The following SYT17 variants were observed in gnomAD, a reference collection of about 807,000 sequenced individuals.
SYT17 encodes synaptotagmin-17.
Under a neutral mutation model 46.7 loss-of-function variants are expected in SYT17, and 22 were observed. The ratio of observed to expected loss-of-function variants is 0.47; its 90% CI spans 0.34 to 0.67. The LOEUF is 0.67. Ranked by LOEUF, SYT17 falls within the 30% of genes least tolerant of loss-of-function variation. The pLI, the probability that SYT17 is intolerant of heterozygous loss-of-function variation, is 0.01. For synonymous variants in SYT17, 251 were observed against 248.4 expected (o/e 1.01, Z -0.10); for missense variants, 519 against 612.8 (o/e 0.85, Z 1.62).
intron 5 of SYT17, among the ~76,000 whole-genome samples, chr16:19,189,356 T>TC (rs1465799842): frequency 2.0e-5 from 3 of 150,666 alleles, no homozygotes; most frequent in African/African-American, 4.9e-5. Context: ...TTTTTTTTTT[T>TC]CTGAGACAGG....
chr16:19,186,016 G>A (rs891695558), intron 5 of SYT17, among the ~76,000 whole-genome samples: 1 of 152,118 alleles, frequency 6.6e-6, no homozygotes, highest in Admixed American at 6.6e-5. Context: ...AGTTAATCTC[G>A]GGGCTGCCAT....
rs1022071609 is a variant in SYT17, at chr16:19,168,792, G to T, written c.15+131G>T. 1 of 1,211,810 alleles carries T rather than the reference G, an allele frequency of 8.3e-7. No homozygotes were observed. The allele number at this position is 1,211,810 out of a possible 1,614,324, so 75.1% of individuals were successfully genotyped here. A position where few individuals can be genotyped will look rare whatever the true frequency, so the allele number is the denominator to read the frequency against. On this transcript the variant is annotated intron_variant, in intron 1 of 7. Coordinates refer to ENST00000355377, the MANE Select transcript of SYT17 (RefSeq NM_016524.4). This position sits in a 1 kb window ranked among gnomAD's most constrained non-coding sequence, Gnocchi z 6.9. ...ACTTGCTTCGAGAAAAAGGGTGCCC[G>T]TGCGCGGGCAACCTGTGCAGCAACA...
intron 7 of SYT17, among the ~76,000 whole-genome samples, chr16:19,248,370 G>A (rs988288641): frequency 2.6e-5 from 4 of 152,084 alleles, no homozygotes; most frequent in Non-Finnish European, 4.4e-5. Context: ...ATACTCCTAG[G>A]TATTTACCCA....
At chr16:19,189,518 T>G (rs1363561932) in intron 5 of SYT17, among the ~76,000 whole-genome samples, 1 of 152,128 alleles carries the variant, frequency 6.6e-6, no homozygotes, top group African/African-American at 2.4e-5. Context: ...GCTCAGATAA[T>G]TTTTTATTTT....
rs1258282018 is a variant in SYT17 at position 19,266,924 on chromosome 16, A to G, written c.1273A>G (p.Ile425Val). ...GAGCAGCAATGACTTCATCGGGAGG[A>G]TCGTCATTGGCCAGTACTCTTCAGG... Reference protein sequence around the residue: ...MKSSNDFIGRIVIGQYSSGPS... With the variant: ...MKSSNDFIGRVVIGQYSSGPS... Residue 425 changes from isoleucine (I) to valine (V), a missense_variant, in exon 8 of 8, where the codon ATC becomes GTC. Coordinates refer to ENST00000355377, the MANE Select transcript of SYT17 (RefSeq NM_016524.4). 1.9e-6 allele frequency: 3 copies of G among 1,613,538 alleles called. No individual in the cohort carries two copies. Among genetic ancestry groups the G allele is most frequent in the Non-Finnish European group, 2.5e-6 (3 of 1,179,934 alleles).
In SYT17 at chr16:19,180,442, C is replaced by T. The variant is rs748506419; in HGVS notation, c.234C>T (p.Ser78=). Residue 78 remains serine (S), a synonymous_variant, in exon 4 of 8, where the codon AGC becomes AGT. Transcript: ENST00000355377. ...DKDGDSVHTA[S]EVPLTPRTNS... ...ATGGTGACTCTGTCCACACGGCCAG[C>T]GAAGTCCCGCTGACCCCACGGACCA... 4.3e-6 allele frequency: 7 copies of T among 1,614,196 alleles called. No individual in the cohort carries two copies. The African/African-American group carries it at 5.3e-5, about 12-fold the overall frequency.
intron 7 of SYT17, among the ~76,000 whole-genome samples, chr16:19,232,126 G>A (rs1966719546): frequency 6.6e-6 from 1 of 152,188 alleles, no homozygotes; most frequent in Admixed American, 6.5e-5. Flanking sequence ...AACTGCCAGG[G>A]GTTGGCATGA....
chr16:19,208,884 CTTTTTTTTTTTTTTTTT>C (rs1191498524), intron 5 of SYT17, among the ~76,000 whole-genome samples: 3 of 63,284 alleles, frequency 4.7e-5, no homozygotes, highest in African/African-American at 7.1e-5. Flanking sequence ...CAAGGACCTT[CTTTTTTTTTTTTTTTTT>C]TTTTTTTTTG....
chr16:19,226,531 A>G (rs1324689461), intron 7 of SYT17, among the ~76,000 whole-genome samples: 2 of 152,186 alleles, frequency 1.3e-5, no homozygotes, highest in Non-Finnish European at 2.9e-5. Flanking sequence ...CCTGTCACCC[A>G]TAGAGTCTGC....
chr16:19,240,181 C>T (rs567699945), intron 7 of SYT17, among the ~76,000 whole-genome samples: 3 of 152,312 alleles, frequency 2.0e-5, no homozygotes, highest in South Asian at 4.1e-4. Flanking sequence ...AAACAAGGGG[C>T]GTGTTTCAGC....
At chr16:19,208,636 A>G (rs983967486) in intron 5 of SYT17, among the ~76,000 whole-genome samples, 17 of 152,210 alleles carry the variant, frequency 1.1e-4, no homozygotes, top group Admixed American at 9.8e-4. Flanking sequence ...GGGGACAAAG[A>G]GCCAAATCAT....
intron 7 of SYT17, among the ~76,000 whole-genome samples, chr16:19,251,976 G>A (rs113589020): frequency 0.098 from 14,954 of 151,880 alleles, 1,600 homozygotes; most frequent in East Asian, 0.35. Context: ...TTGGGAGGCC[G>A]AGGCAGGCAG....
chr16:19,203,552 C>T (rs1430445918), intron 5 of SYT17, among the ~76,000 whole-genome samples: 2 of 152,218 alleles, frequency 1.3e-5, no homozygotes, highest in African/African-American at 4.8e-5. Context: ...ATTTAGTCAG[C>T]ATGTTAGGGG....
intron 7 of SYT17, among the ~76,000 whole-genome samples, chr16:19,257,895 C>G (rs1968691214): frequency 6.6e-6 from 1 of 152,062 alleles, no homozygotes. Flanking sequence ...CCTTCATTAC[C>G]TTGTGAACCA....
Position 19,183,602 on chromosome 16 carries a change from A to C in SYT17, c.406A>C (p.Lys136Gln). The C allele has an allele frequency of 6.2e-7, 1 of 1,614,196 alleles. No individual in the cohort carries two copies. The highest frequency in any genetic ancestry group is 2.2e-5 in the East Asian group (1 of 44,888). Reference sequence around the variant, plus strand: ...CGAGTTTGGCGTTCTCAGCGCCAAGAAGGAGCCCATCCAACCTTCGGTGCT... The same window carrying C: ...CGAGTTTGGCGTTCTCAGCGCCAAGCAGGAGCCCATCCAACCTTCGGTGCT... ...PIEFGVLSAK[K>Q]EPIQPSVLRR... Residue 136 changes from lysine to glutamine, a missense_variant, in exon 5 of 8, where the codon AAG (lysine) becomes CAG (glutamine). Coordinates refer to ENST00000355377, the MANE Select transcript of SYT17 (RefSeq NM_016524.4). This position sits in a 1 kb window ranked among gnomAD's most constrained non-coding sequence, Gnocchi z 5.6.
At chr16:19,171,309 TGATGATGATGATG>T (rs1567195012) in intron 1 of SYT17, 8 of 162,926 alleles carry the variant, frequency 4.9e-5, no homozygotes, top group Non-Finnish European at 8.1e-5. Context: ...ATGATGATGA[TGATGATGATGATG>T]ATGATTATGA....
rs779722688 is a variant in SYT17, at chr16:19,180,430, C to G, written c.222C>G (p.Val74=). The part of the protein sequence containing the change: ...SRSSDKDGDS[V]HTASEVPLTP... ...GCAGTGACAAGGATGGTGACTCTGTCCACACGGCCAGCGAAGTCCCGCTGA... is the reference window on the plus strand; with the variant it reads ...GCAGTGACAAGGATGGTGACTCTGTGCACACGGCCAGCGAAGTCCCGCTGA... The change falls in exon 4 of 8, where the codon GTC becomes GTG. Residue 74 remains valine, a synonymous_variant. Transcript: ENST00000355377. 5 of 1,614,178 alleles carry G rather than the reference C, an allele frequency of 3.1e-6. No homozygotes were observed. Among genetic ancestry groups the G allele is most frequent in the Non-Finnish European group, 4.2e-6 (5 of 1,180,034 alleles).
chr16:19,226,657 T>TC lies in SYT17; in HGVS notation c.1228+1819_1228+1820insC, dbSNP rs749594323. On this transcript the variant is annotated intron_variant, in intron 7 of 7. Transcript: ENST00000355377. ...GACAAGGGCCTCACTCTCTCCTAGG[T>TC]TTCAGGCCAAGACAGAAGACCGTCA... 5.5e-4 allele frequency among the ~76,000 whole-genome samples: 83 copies of TC among 152,164 alleles called. 1 individual carries two copies. The highest frequency in any genetic ancestry group is 2.1e-4 in the Non-Finnish European group (14 of 67,986).
chr16:19,216,030 C>T (rs1389707367), intron 5 of SYT17, among the ~76,000 whole-genome samples: 1 of 152,110 alleles, frequency 6.6e-6, no homozygotes, highest in African/African-American at 2.4e-5. Flanking sequence ...GATTCAATTA[C>T]CTCCCACCAG....
Sources: gnomAD v4.1 joint callset for allele counts (sites outside exome capture counted in the v4.1 genomes callset) on GRCh38, gnomAD v4.1.1 for gene constraint, Gnocchi (gnomAD v3.1) non-coding constraint, MANE v1.5 for transcripts, NCBI Gene and HGNC (gene_info 2026-07-23, HGNC 2026-07-21) for gene names.